AKAP10: variants seen among roughly 807,000 people sequenced by gnomAD.
AKAP10 encodes A-kinase anchor protein 10, mitochondrial.
In AKAP10, 24 loss-of-function variants were observed where a neutral mutation model predicts 80.8. That is an observed-to-expected ratio of 0.30 (90% confidence interval 0.22 to 0.42). The LOEUF (loss-of-function observed/expected upper bound fraction) is 0.42, where lower values mean the gene tolerates loss of function less well. Ranked by LOEUF, AKAP10 falls within the 10% of genes least tolerant of loss-of-function variation. The pLI, the probability that AKAP10 is intolerant of heterozygous loss-of-function variation, is 1.00. For missense variants in AKAP10, 661 were observed against 794.9 expected (o/e 0.83, Z 2.03); for synonymous variants, 291 against 277.7 (o/e 1.05, Z -0.48).
intron 8 of AKAP10, among the ~76,000 whole-genome samples, chr17:19,938,438 T>C (rs1359490380): frequency 6.6e-6 from 1 of 151,826 alleles, no homozygotes; most frequent in East Asian, 1.9e-4. Flanking sequence ...GGTTTTACCA[T>C]GTTGGCCAGG....
At chr17:19,943,749 A>T (rs1380397731) in intron 5 of AKAP10, among the ~76,000 whole-genome samples, 1 of 152,248 alleles carries the variant, frequency 6.6e-6, no homozygotes, top group East Asian at 1.9e-4. Flanking sequence ...CACAGGCCAC[A>T]ACTTGTACTT....
intron 4 of AKAP10, among the ~76,000 whole-genome samples, chr17:19,951,935 AAAG>A (rs1395034993): frequency 6.7e-6 from 1 of 150,232 alleles, no homozygotes; most frequent in Non-Finnish European, 1.5e-5. Flanking sequence ...AAAAAGCAAA[AAAG>A]GGGAAATCAA....
chr17:19,950,867 T>C (rs377146343), intron 4 of AKAP10, among the ~76,000 whole-genome samples: 3 of 137,304 alleles, frequency 2.2e-5, no homozygotes, highest in African/African-American at 8.5e-5. Context: ...AAGTGAGGAG[T>C]GTCTCTGCCC....
At chr17:19,917,989 G>C (rs2042766648) in intron 12 of AKAP10, among the ~76,000 whole-genome samples, 1 of 152,042 alleles carries the variant, frequency 6.6e-6, no homozygotes, top group South Asian at 2.1e-4. Context: ...GGGAGGCCGA[G>C]GTGGGCAGAT....
chr17:19,976,458 GC>G (rs2152420401), intron 1 of AKAP10, among the ~76,000 whole-genome samples: 1 of 151,734 alleles, frequency 6.6e-6, no homozygotes, highest in African/African-American at 2.4e-5. Flanking sequence ...TTGCACTCGA[GC>G]CTGGGCAACA....
intron 9 of AKAP10, among the ~76,000 whole-genome samples, chr17:19,935,685 G>A (rs1449908582): frequency 6.6e-6 from 1 of 151,680 alleles, no homozygotes; most frequent in Non-Finnish European, 1.5e-5. Flanking sequence ...AGCCTACACA[G>A]GGTCAGGATC....
chr17:19,922,877 G>A (rs556655581), intron 11 of AKAP10, among the ~76,000 whole-genome samples: 152 of 152,254 alleles, frequency 1.0e-3, no homozygotes, highest in African/African-American at 3.5e-3. Context: ...TCCAGCCTGA[G>A]CAACAGAGCG....
At chr17:19,946,236 ATTATATATAT>A (rs1477944913) in intron 5 of AKAP10, among the ~76,000 whole-genome samples, 298 of 22,754 alleles carry the variant, frequency 0.013, 16 homozygotes, top group African/African-American at 0.024. Context: ...ATATATATAT[ATTATATATAT>A]ATATATATAT....
At chr17:19,970,345 AAACATTCTCCTACTATC>A (rs1343461413) in intron 1 of AKAP10, among the ~76,000 whole-genome samples, 1 of 152,162 alleles carries the variant, frequency 6.6e-6, no homozygotes, top group African/African-American at 2.4e-5. Flanking sequence ...TACCACCTAA[AAACATTCTCCTACTATC>A]AATCAGATCT....
Position 19,904,710 on chromosome 17 carries a change from A to G in AKAP10, c.*1517T>C, listed in dbSNP as rs544979328. 8.5e-5 allele frequency: 13 copies of G among 152,216 alleles called. No homozygotes were observed. Among genetic ancestry groups the G allele is most frequent in the Non-Finnish European group, 1.8e-4 (12 of 68,040 alleles). 9.4% of individuals were successfully genotyped at this position (152,216 alleles called of 1,614,324 possible). A position where few individuals can be genotyped will look rare whatever the true frequency, so the allele number is the denominator to read the frequency against. ...AATGAAAATATTTGGAAAGATCAAT[A>G]TATTTCAACAGAAGAGCCATAAATG... On this transcript the variant is annotated 3_prime_UTR_variant, in exon 15 of 15. Transcript: ENST00000225737.
chr17:19,977,692 C>G lies in AKAP10; in HGVS notation c.-13G>C. 1 of 1,233,706 alleles carries G rather than the reference C, an allele frequency of 8.1e-7. No individual in the cohort carries two copies. Among genetic ancestry groups the G allele is most frequent in the East Asian group, 3.2e-5 (1 of 31,692 alleles). The allele number at this position is 1,233,706 out of a possible 1,614,324, so 76.4% of individuals were successfully genotyped here. A position where few individuals can be genotyped will look rare whatever the true frequency, so the allele number is the denominator to read the frequency against. On this transcript the variant is annotated 5_prime_UTR_variant, in exon 1 of 15. Coordinates refer to ENST00000225737, the MANE Select transcript of AKAP10 (RefSeq NM_007202.4). ...CGGCTCCCCTCATTCAGCAACCGGC[C>G]CGGACTTCCGGGTCCAGAGGGGCCG...
At chr17:19,926,079 C>A (rs2152412036) in intron 10 of AKAP10, among the ~76,000 whole-genome samples, 1 of 152,156 alleles carries the variant, frequency 6.6e-6, no homozygotes, top group Non-Finnish European at 1.5e-5. Flanking sequence ...CAACAAAATA[C>A]CAGTAAATGG....
chr17:19,968,053 T>C (rs546857830), intron 2 of AKAP10: 5 of 167,558 alleles, frequency 3.0e-5, no homozygotes, highest in Non-Finnish European at 6.3e-5. Flanking sequence ...TACAAAAAAT[T>C]AGCCAGGCGT....
chr17:19,953,893 A>C (rs1428417890), intron 4 of AKAP10, among the ~76,000 whole-genome samples: 1 of 152,080 alleles, frequency 6.6e-6, no homozygotes, highest in Non-Finnish European at 1.5e-5. Flanking sequence ...TTAGTCGGGC[A>C]TGGTGGCACA....
intron 2 of AKAP10, among the ~76,000 whole-genome samples, chr17:19,963,876 A>G (rs1308055419): frequency 6.6e-6 from 1 of 151,986 alleles, no homozygotes; most frequent in Admixed American, 6.6e-5. Context: ...AGCCTGAGCA[A>G]CGGGAGTGAA....
intron 12 of AKAP10, among the ~76,000 whole-genome samples, chr17:19,911,835 C>CAAAAAAAAAAAAAAAAAAA (rs71157844): frequency 5.5e-5 from 3 of 54,984 alleles, no homozygotes; most frequent in Non-Finnish European, 1.1e-4. Flanking sequence ...AACTCTGTCA[C>CAAAAAAAAAAAAAAAAAAA]AAAAAAAAAA....
At chr17:19,921,303 G>A (rs564635700) in intron 11 of AKAP10, among the ~76,000 whole-genome samples, 25 of 151,798 alleles carry the variant, frequency 1.6e-4, no homozygotes, top group Non-Finnish European at 3.2e-4. Context: ...GAGTAGCTGG[G>A]ACTACGGGTG....
chr17:19,963,802 A>T (rs1199038218), intron 2 of AKAP10, among the ~76,000 whole-genome samples: 2 of 152,096 alleles, frequency 1.3e-5, no homozygotes, highest in Non-Finnish European at 2.9e-5. Context: ...AGACCGAGGC[A>T]GGAGAATTGC....
At position 19,938,733 on chromosome 17, in the gene AKAP10, GT is replaced by G. The variant is rs150912015; in HGVS notation, c.1322+979del. Among the ~76,000 whole-genome samples, 1,009 of 140,666 alleles carry G rather than the reference GT, an allele frequency of 7.2e-3. 15 individuals are homozygous for G. In the East Asian group the frequency reaches 0.074, roughly 10 times the overall value. The allele number at this position is 140,666 out of a possible 152,430, so 92.3% of individuals were successfully genotyped here. On this transcript the variant is annotated intron_variant, in intron 8 of 14. Transcript: ENST00000225737. ...ATACAAATAACAAATTACCTTTGTT[GT>G]TTTTTTTTTTTTTGGAGACAGGGTC... is the stretch of plus-strand genomic sequence containing the variant.
Sources: gnomAD v4.1 joint callset for allele counts (sites outside exome capture counted in the v4.1 genomes callset) on GRCh38, gnomAD v4.1.1 for gene constraint, MANE v1.5 for transcripts, NCBI Gene and HGNC (gene_info 2026-07-23, HGNC 2026-07-21) for gene names.